The following CPA4 variants were observed in gnomAD, a reference collection of about 807,000 sequenced individuals.
CPA4 encodes the protein carboxypeptidase A4, also known as carboxypeptidase A3.
A neutral mutation model predicts 54.7 loss-of-function variants in CPA4; 49 were observed. The observed-to-expected ratio is 0.90, with a 90% CI of 0.71 to 1.14. The LOEUF is 1.14. CPA4 is among the 50% of genes most tolerant of loss of function. The pLI is 0.00. For missense variants in CPA4, 487 were observed against 525.1 expected (o/e 0.93, Z 0.71); for synonymous variants, 215 against 206.8 (o/e 1.04, Z -0.34).
intron 1 of CPA4, among the ~76,000 whole-genome samples, chr7:130,295,557 C>T (rs757799436): frequency 4.6e-5 from 7 of 152,200 alleles, no homozygotes; most frequent in South Asian, 2.1e-4. Context: ...CCATCTTGAG[C>T]CTCATGAACT....
chr7:130,303,890 C>T (rs1793777684), intron 4 of CPA4, among the ~76,000 whole-genome samples: 3 of 152,192 alleles, frequency 2.0e-5, no homozygotes, highest in South Asian at 4.2e-4. Flanking sequence ...GATTCTCCCA[C>T]CTTGGCCTCC....
At chr7:130,308,723 A>ATTTTTTTTTATTTTTTT (rs1554395843) in intron 8 of CPA4, among the ~76,000 whole-genome samples, 1 of 145,182 alleles carries the variant, frequency 6.9e-6, no homozygotes, top group Admixed American at 6.9e-5. Context: ...ACGCCCGGCT[A>ATTTTTTTTTATTTTTTT]TTTTTTTTCA....
Position 130,299,424 on chromosome 7 carries a change from T to G in CPA4, c.285+20T>G. 1 of 1,612,442 alleles carries G rather than the reference T, an allele frequency of 6.2e-7. No homozygotes were observed. The highest frequency in any genetic ancestry group is 8.5e-7 in the Non-Finnish European group (1 of 1,178,680). On this transcript the variant is annotated intron_variant, in intron 3 of 10. Transcript: ENST00000222482. Reference sequence around the variant, plus strand: ...CTGCAGGTAGGTAGACTATGCCTCCTGCCTCCTGCTCTTGCATAGGACCAG... The same window carrying G: ...CTGCAGGTAGGTAGACTATGCCTCCGGCCTCCTGCTCTTGCATAGGACCAG...
intron 5 of CPA4, among the ~76,000 whole-genome samples, chr7:130,305,174 A>G (rs73478837): frequency 0.026 from 3,916 of 152,352 alleles, 171 homozygotes; most frequent in African/African-American, 0.088. Context: ...AGAATTTGCC[A>G]AACCCTCAGC....
At chr7:130,296,679 CTTTTTTTTTTT>C (rs369325885) in intron 1 of CPA4, among the ~76,000 whole-genome samples, 2 of 72,986 alleles carry the variant, frequency 2.7e-5, no homozygotes, top group African/African-American at 5.3e-5. Flanking sequence ...GCTCCCCTCA[CTTTTTTTTTTT>C]TTTTTTTTTT....
Position 130,323,087 on chromosome 7 carries a change from C to A in CPA4, c.*411C>A, listed in dbSNP as rs1414903876. 1.2e-5 allele frequency: 2 copies of A among 162,936 alleles called. No individual in the cohort carries two copies. Among genetic ancestry groups the A allele is most frequent in the African/African-American group, 4.8e-5 (2 of 41,818 alleles). 10.1% of individuals were successfully genotyped at this position (162,936 alleles called of 1,614,324 possible). On this transcript the variant is annotated 3_prime_UTR_variant, in exon 11 of 11. Coordinates refer to ENST00000222482, the MANE Select transcript of CPA4 (RefSeq NM_016352.4). Reference sequence around the variant, plus strand: ...TGCTCTGGTGGCACTGTGGGAGACACCACTTGTCTTTAGGTGGGTCTCAAA... The same window carrying A: ...TGCTCTGGTGGCACTGTGGGAGACAACACTTGTCTTTAGGTGGGTCTCAAA...
At chr7:130,321,875 TG>T (rs1412799906) in intron 10 of CPA4, among the ~76,000 whole-genome samples, 4 of 152,160 alleles carry the variant, frequency 2.6e-5, no homozygotes, top group African/African-American at 9.7e-5. Context: ...GAGATTTGGG[TG>T]GGGACACAGC....
chr7:130,313,194 T>C (rs1793939179), intron 10 of CPA4, among the ~76,000 whole-genome samples: 2 of 152,124 alleles, frequency 1.3e-5, no homozygotes, highest in South Asian at 4.1e-4. Flanking sequence ...TTTTGGGTAG[T>C]AGTCTGTGAG....
chr7:130,320,965 G>T (rs1346721436), intron 10 of CPA4, among the ~76,000 whole-genome samples: 1 of 152,182 alleles, frequency 6.6e-6, no homozygotes, highest in Non-Finnish European at 1.5e-5. Flanking sequence ...TTGGGAGGCT[G>T]AGGTGGGATG....
chr7:130,321,793 C>G (rs1277459916), intron 10 of CPA4, among the ~76,000 whole-genome samples: 1 of 152,178 alleles, frequency 6.6e-6, no homozygotes, highest in East Asian at 1.9e-4. Flanking sequence ...GGAAACCACT[C>G]CCATGATTCA....
intron 5 of CPA4, 78 bp downstream of exon 5, chr7:130,304,657 C>A: frequency 2.3e-6 from 2 of 872,768 alleles, no homozygotes; most frequent in Non-Finnish European, 4.0e-6. Context: ...AAAAGGGTAG[C>A]TTTTTGAACT....
Position 130,293,240 on chromosome 7 carries a change from AT to A in CPA4, c.66del (p.Phe22LeufsTer6). On this transcript the variant is annotated frameshift_variant, in exon 1 of 11. Coordinates refer to ENST00000222482, the MANE Select transcript of CPA4 (RefSeq NM_016352.4). LOFTEE classifies it high-confidence loss of function. ...IGSSICGQEKFFGDQVLRINV... is the reference protein window; with the variant it reads ...IGSSICGQEKXFGDQVLRINV... ...GGTCCAGCATCTGTGGCCAAGAAAA[AT>A]TTTTTGGGTAAGTTCCTTTTGGACT... 4 of 1,602,426 alleles carry A rather than the reference AT, an allele frequency of 2.5e-6. No homozygotes were observed. The highest frequency in any genetic ancestry group is 3.4e-6 in the Non-Finnish European group (4 of 1,169,776).
chr7:130,298,539 A>G (rs144427339), intron 1 of CPA4, among the ~76,000 whole-genome samples: 2 of 152,252 alleles, frequency 1.3e-5, no homozygotes, highest in African/African-American at 2.4e-5. Context: ...TCTTTCACTT[A>G]ATATTTCCCT....
At position 130,311,696 on chromosome 7, in the gene CPA4, G is replaced by T. The variant is rs564588755; in HGVS notation, c.994-342G>T. On this transcript the variant is annotated intron_variant, in intron 9 of 10. Transcript: ENST00000222482. ...CTCCCTTCTCAGGATAGGTGAAGACGGTGGTGCCTTTACTAGATTCCTAGT... is the reference window on the plus strand; with the variant it reads ...CTCCCTTCTCAGGATAGGTGAAGACTGTGGTGCCTTTACTAGATTCCTAGT... Among the ~76,000 whole-genome samples, 9 of 152,206 alleles carry T rather than the reference G, an allele frequency of 5.9e-5. No individual in the cohort carries two copies. The South Asian group carries it at 1.9e-3, about 32-fold the overall frequency.
Position 130,293,208 on chromosome 7 carries a change from C to CT in CPA4, c.30dup (p.Ile11TyrfsTer20), listed in dbSNP as rs752040846. ...GAGGTGGATACTGTTCATTGGGGCC[C>CT]TTATTGGGTCCAGCATCTGTGGCCA... On this transcript the variant is annotated frameshift_variant, in exon 1 of 11. Coordinates refer to ENST00000222482, the MANE Select transcript of CPA4 (RefSeq NM_016352.4). LOFTEE classifies it high-confidence loss of function. The CT allele has an allele frequency of 6.2e-7, 1 of 1,612,556 alleles. No homozygotes were observed. Among genetic ancestry groups the CT allele is most frequent in the South Asian group, 1.1e-5 (1 of 90,990 alleles).
intron 1 of CPA4, among the ~76,000 whole-genome samples, chr7:130,298,475 C>T (rs1793685195): frequency 1.3e-5 from 2 of 152,182 alleles, no homozygotes. Flanking sequence ...TCTTCCAATG[C>T]ATCTGCTTTT....
intron 4 of CPA4, among the ~76,000 whole-genome samples, 175 bp downstream of exon 4, chr7:130,301,089 C>T (rs1049926593): frequency 1.3e-5 from 2 of 152,150 alleles, no homozygotes; most frequent in Non-Finnish European, 2.9e-5. Context: ...CTACCAGCAC[C>T]TCAGAGTGTC....
intron 10 of CPA4, among the ~76,000 whole-genome samples, chr7:130,319,251 T>C (rs1399602469): frequency 6.6e-6 from 1 of 152,236 alleles, no homozygotes; most frequent in African/African-American, 2.4e-5. Context: ...TTTGGGTTCA[T>C]CTGACTTGTG....
In CPA4 at chr7:130,306,916, G is replaced by A. The variant is rs771692534; in HGVS notation, c.702+19G>A. On this transcript the variant is annotated intron_variant, in intron 7 of 10. Transcript: ENST00000222482. ...AACTCAAGTGAGTATTCCCAAATGG[G>A]CTGGGCTTGCAGACTGTTGAATTCC... 4.5e-6 allele frequency: 6 copies of A among 1,345,016 alleles called. No individual in the cohort carries two copies. Among genetic ancestry groups the A allele is most frequent in the East Asian group, 2.3e-5 (1 of 43,662 alleles). 83.3% of individuals were successfully genotyped at this position (1,345,016 alleles called of 1,614,324 possible). A position where few individuals can be genotyped will look rare whatever the true frequency, so the allele number is the denominator to read the frequency against.
Sources: allele counts gnomAD v4.1 joint callset (sites outside exome capture counted in the v4.1 genomes callset), GRCh38; gene constraint gnomAD v4.1.1; transcripts MANE v1.5; gene names NCBI Gene and HGNC (gene_info 2026-07-23, HGNC 2026-07-21).